Variants in ITFG1 observed in about 807,000 individuals in gnomAD.
The protein encoded by ITFG1 is integrin alpha FG-GAP repeat containing 1, also known as T-cell immunomodulatory protein.
In ITFG1, 34 loss-of-function variants were observed where a neutral mutation model predicts 81.8. The observed-to-expected ratio is 0.42, with a 90% confidence interval of 0.32 to 0.55. The LOEUF (loss-of-function observed/expected upper bound fraction) is 0.55, where lower values mean the gene tolerates loss of function less well. Ranked by LOEUF, ITFG1 falls within the 20% of genes least tolerant of loss-of-function variation. The pLI, the probability that ITFG1 is intolerant of heterozygous loss-of-function variation, is 0.17. For synonymous variants in ITFG1, 285 were observed against 270.6 expected (o/e 1.05, Z -0.52); for missense variants, 672 against 755.4 (o/e 0.89, Z 1.29).
chr16:47,254,154 T>C (rs569858055), intron 12 of ITFG1, among the ~76,000 whole-genome samples: 10 of 151,976 alleles, frequency 6.6e-5, no homozygotes, highest in African/African-American at 2.4e-4. Context: ...GAAGCTAAGA[T>C]GTTGCATTAG....
intron 13 of ITFG1, among the ~76,000 whole-genome samples, chr16:47,228,541 C>T (rs1965782511): frequency 6.6e-6 from 1 of 152,044 alleles, no homozygotes. Flanking sequence ...CATTTTTATT[C>T]TGTAGAGACA....
At chr16:47,459,308 A>T in intron 1 of ITFG1, 133 bp from the exon 2 acceptor site, 2 of 629,778 alleles carry the variant, frequency 3.2e-6, no homozygotes, top group South Asian at 3.7e-5. Flanking sequence ...CTGCCCTCTC[A>T]AGCATAGTCC....
intron 8 of ITFG1, among the ~76,000 whole-genome samples, chr16:47,359,245 A>G (rs1968079027): frequency 6.6e-6 from 1 of 152,072 alleles, no homozygotes; most frequent in Non-Finnish European, 1.5e-5. Flanking sequence ...AGGACATGCT[A>G]ATATCCAACT....
chr16:47,338,321 T>C (rs575873114), intron 8 of ITFG1, among the ~76,000 whole-genome samples: 99 of 151,926 alleles, frequency 6.5e-4, no homozygotes, highest in Non-Finnish European at 1.1e-3. Context: ...GGCAGGAAAA[T>C]TGCTTGAACC....
At chr16:47,455,056 G>GT (rs1368340204) in intron 2 of ITFG1, among the ~76,000 whole-genome samples, 1 of 152,180 alleles carries the variant, frequency 6.6e-6, no homozygotes, top group Non-Finnish European at 1.5e-5. Flanking sequence ...AATGGGTAAG[G>GT]TTTTGGCCTT....
chr16:47,231,573 G>A (rs371643308), intron 13 of ITFG1, among the ~76,000 whole-genome samples: 1 of 152,062 alleles, frequency 6.6e-6, no homozygotes, highest in African/African-American at 2.4e-5. Flanking sequence ...ACCTCTAGTC[G>A]TACCTGAAAC....
chr16:47,314,834 G>A (rs931776601), intron 8 of ITFG1, among the ~76,000 whole-genome samples: 1 of 151,966 alleles, frequency 6.6e-6, no homozygotes, highest in African/African-American at 2.4e-5. Context: ...ACACTTGGAA[G>A]AAAATAAAAG....
chr16:47,284,715 T>A (rs1966863304), intron 10 of ITFG1, among the ~76,000 whole-genome samples: 1 of 152,264 alleles, frequency 6.6e-6, no homozygotes. Flanking sequence ...ATGAATGTGC[T>A]ATTTTTGAAA....
intron 13 of ITFG1, among the ~76,000 whole-genome samples, chr16:47,230,978 G>T (rs988283728): frequency 1.3e-5 from 2 of 152,166 alleles, no homozygotes; most frequent in Non-Finnish European, 2.9e-5. Context: ...TTAATCTCCT[G>T]ACCTCGTGAT....
intron 14 of ITFG1, among the ~76,000 whole-genome samples, chr16:47,213,587 GC>G (rs1965590852): frequency 6.6e-6 from 1 of 152,082 alleles, no homozygotes; most frequent in African/African-American, 2.4e-5. Flanking sequence ...GTTTTTTGAT[GC>G]AATTAGAATT....
chr16:47,405,333 C>T (rs1968714895), intron 6 of ITFG1, among the ~76,000 whole-genome samples: 2 of 152,146 alleles, frequency 1.3e-5, no homozygotes, highest in South Asian at 4.1e-4. Context: ...TGAGCATGTA[C>T]TAGTCCATTC....
intron 14 of ITFG1, among the ~76,000 whole-genome samples, chr16:47,163,929 A>G (rs1160309388): frequency 2.0e-5 from 3 of 147,288 alleles, no homozygotes; most frequent in Non-Finnish European, 4.4e-5. Context: ...ACACACACAC[A>G]CACACACACA....
chr16:47,324,629 G>A (rs866645992), intron 8 of ITFG1, among the ~76,000 whole-genome samples: 10 of 152,120 alleles, frequency 6.6e-5, no homozygotes, highest in Middle Eastern at 3.2e-3. Flanking sequence ...TCAAAATAAA[G>A]GGATGGAGGA....
intron 5 of ITFG1, among the ~76,000 whole-genome samples, chr16:47,447,675 G>A (rs988151261): frequency 6.6e-6 from 1 of 152,112 alleles, no homozygotes; most frequent in African/African-American, 2.4e-5. Context: ...ATCACATCTG[G>A]TGGGACTATA....
intron 13 of ITFG1, among the ~76,000 whole-genome samples, chr16:47,220,292 T>G (rs892894862): frequency 2.0e-5 from 3 of 152,262 alleles, no homozygotes; most frequent in Non-Finnish European, 4.4e-5. Flanking sequence ...AAAACTATTT[T>G]CATAATAATA....
At chr16:47,437,019 G>GT (rs1201462967) in intron 5 of ITFG1, among the ~76,000 whole-genome samples, 1 of 151,984 alleles carries the variant, frequency 6.6e-6, no homozygotes, top group Non-Finnish European at 1.5e-5. Context: ...TCTTTTTATT[G>GT]TATCTTTGCC....
intron 14 of ITFG1, among the ~76,000 whole-genome samples, chr16:47,211,398 G>A (rs1036045015): frequency 6.6e-6 from 1 of 152,156 alleles, no homozygotes; most frequent in Non-Finnish European, 1.5e-5. Flanking sequence ...GTACTTCTTG[G>A]TTGCAGCAGT....
intron 8 of ITFG1, among the ~76,000 whole-genome samples, chr16:47,336,064 A>G (rs1353466090): frequency 6.6e-6 from 1 of 152,274 alleles, no homozygotes; most frequent in East Asian, 1.9e-4. Context: ...ATATTACAAT[A>G]TGAGTGAACC....
chr16:47,348,400 C>G (rs1326941337), intron 8 of ITFG1, among the ~76,000 whole-genome samples: 1 of 152,122 alleles, frequency 6.6e-6, no homozygotes, highest in Non-Finnish European at 1.5e-5. Context: ...TGCACAAGAA[C>G]TACGTGACAA....
Sources: allele counts gnomAD v4.1 joint callset (sites outside exome capture counted in the v4.1 genomes callset), GRCh38; gene constraint gnomAD v4.1.1; transcripts MANE v1.5; gene names NCBI Gene and HGNC (gene_info 2026-07-23, HGNC 2026-07-21).